The following EPHA6 variants were observed in gnomAD, a reference collection of about 807,000 sequenced individuals.
The protein encoded by EPHA6 is ephrin type-A receptor 6.
In EPHA6, 50 loss-of-function variants were observed where a neutral mutation model predicts 112.0. The observed-to-expected ratio is 0.45, with a 90% confidence interval of 0.36 to 0.56. The LOEUF is 0.56. EPHA6 is among the 20% of genes least tolerant of loss of function. The pLI is 0.00. For missense variants in EPHA6, 1,280 were observed against 1,417.4 expected (o/e 0.90, Z 1.56); for synonymous variants, 529 against 490.7 (o/e 1.08, Z -1.03).
intron 11 of EPHA6, among the ~76,000 whole-genome samples, chr3:97,560,014 G>A (rs1560138091): frequency 6.6e-6 from 1 of 151,362 alleles, no homozygotes; most frequent in Non-Finnish European, 1.5e-5. Flanking sequence ...CATAAAATAA[G>A]AACAGGTTGC....
rs543540402 is a variant in EPHA6 at position 97,758,986 on chromosome 3, T to TA, written c.*10286dup. ...TACTTCAAGATTTGGAAGGCATCAG[T>TA]ATATATATGCTATTTAAAGTTTGGA... On this transcript the variant is annotated 3_prime_UTR_variant, in exon 18 of 18. Coordinates refer to ENST00000389672, the MANE Select transcript of EPHA6 (RefSeq NM_001080448.3). 4.6e-5 allele frequency among the ~76,000 whole-genome samples: 7 copies of TA among 152,012 alleles called. No individual in the cohort carries two copies. The highest frequency in any genetic ancestry group is 8.8e-5 in the Non-Finnish European group (6 of 67,898).
intron 3 of EPHA6, among the ~76,000 whole-genome samples, chr3:97,207,961 T>A (rs1294431799): frequency 6.6e-6 from 1 of 152,102 alleles, no homozygotes; most frequent in Non-Finnish European, 1.5e-5. Flanking sequence ...AATGGCTATA[T>A]AGGGGGATTT....
intron 5 of EPHA6, among the ~76,000 whole-genome samples, chr3:97,349,012 G>A (rs1283189279): frequency 1.3e-5 from 2 of 152,004 alleles, no homozygotes; most frequent in Non-Finnish European, 2.9e-5. Flanking sequence ...TTCCTAACAA[G>A]AGTTCTTTTA....
chr3:97,345,340 G>A (rs965027385), intron 5 of EPHA6, among the ~76,000 whole-genome samples: 3 of 152,158 alleles, frequency 2.0e-5, no homozygotes, highest in Non-Finnish European at 4.4e-5. Context: ...CAAGCCAAGA[G>A]TGCAAGGAAA....
At chr3:97,097,188 A>C (rs2047265122) in intron 3 of EPHA6, among the ~76,000 whole-genome samples, 1 of 151,784 alleles carries the variant, frequency 6.6e-6, no homozygotes, top group Non-Finnish European at 1.5e-5. Context: ...TGATTTATAA[A>C]AATGACATAT....
chr3:97,513,203 T>G (rs963327980), intron 10 of EPHA6, among the ~76,000 whole-genome samples: 1 of 152,194 alleles, frequency 6.6e-6, no homozygotes, highest in African/African-American at 2.4e-5. Flanking sequence ...TTGGTAGGAA[T>G]GTAAATCAGT....
At chr3:97,544,305 T>C (rs1197057128) in intron 11 of EPHA6, among the ~76,000 whole-genome samples, 1 of 151,972 alleles carries the variant, frequency 6.6e-6, no homozygotes, top group East Asian at 1.9e-4. Context: ...GCATGAAGGG[T>C]TGTTGAATTT....
At chr3:97,301,769 C>T (rs975108588) in intron 5 of EPHA6, among the ~76,000 whole-genome samples, 1 of 152,040 alleles carries the variant, frequency 6.6e-6, no homozygotes, top group Admixed American at 6.6e-5. Flanking sequence ...TTAACTAGTT[C>T]ACTTAAAAAC....
chr3:97,544,151 G>A (rs1170973235), intron 11 of EPHA6, among the ~76,000 whole-genome samples: 1 of 152,148 alleles, frequency 6.6e-6, no homozygotes, highest in African/African-American at 2.4e-5. Context: ...GGTGAGAGAA[G>A]GCATCCCTGT....
chr3:97,477,637 A>G (rs892129951), intron 8 of EPHA6, among the ~76,000 whole-genome samples: 1 of 152,208 alleles, frequency 6.6e-6, no homozygotes, highest in Non-Finnish European at 1.5e-5. Context: ...AATTGCCACT[A>G]CTTTAGCATT....
rs944472803 is a variant in EPHA6, at chr3:97,073,297, C to A, written c.1114+85304C>A. Among the ~76,000 whole-genome samples the A allele has an allele frequency of 2.6e-5, 4 of 152,118 alleles. No homozygotes were observed. In the East Asian group the frequency reaches 5.8e-4, roughly 22 times the overall value. ...ATGCCGCTCGTTGTTTCTTTCTGAT[C>A]AATGCCACGTGAAATGAAAAGGATT... On this transcript the variant is annotated intron_variant, in intron 3 of 17. Coordinates refer to ENST00000389672, the MANE Select transcript of EPHA6 (RefSeq NM_001080448.3).
At chr3:97,686,594 C>T (rs1371802495) in intron 14 of EPHA6, among the ~76,000 whole-genome samples, 1 of 152,186 alleles carries the variant, frequency 6.6e-6, no homozygotes, top group Non-Finnish European at 1.5e-5. Context: ...TTACAGTTCT[C>T]AGCCTGTGAA....
intron 3 of EPHA6, among the ~76,000 whole-genome samples, chr3:97,035,887 A>G (rs1194621649): frequency 6.6e-6 from 1 of 151,962 alleles, no homozygotes; most frequent in Non-Finnish European, 1.5e-5. Flanking sequence ...ATATGTGGAA[A>G]TCGGATTCTC....
chr3:97,546,392 C>T (rs1156313704), intron 11 of EPHA6, among the ~76,000 whole-genome samples: 1 of 152,144 alleles, frequency 6.6e-6, no homozygotes, highest in Non-Finnish European at 1.5e-5. Flanking sequence ...GAATATTGGT[C>T]CCCACTCTCT....
intron 11 of EPHA6, among the ~76,000 whole-genome samples, chr3:97,546,841 T>G (rs1463166771): frequency 2.0e-5 from 3 of 152,364 alleles, no homozygotes; most frequent in East Asian, 3.9e-4. Context: ...ATACCCTTTC[T>G]TCCAGTTGAT....
chr3:97,401,826 T>C (rs1042140440), intron 5 of EPHA6, among the ~76,000 whole-genome samples: 1 of 151,880 alleles, frequency 6.6e-6, no homozygotes, highest in African/African-American at 2.4e-5. Context: ...ACTCTTAGTA[T>C]TGCCTTTGTA....
intron 3 of EPHA6, among the ~76,000 whole-genome samples, chr3:97,053,687 CATG>C (rs1330727000): frequency 1.3e-5 from 2 of 152,054 alleles, no homozygotes; most frequent in African/African-American, 2.4e-5. Flanking sequence ...TGCACTTTCA[CATG>C]ATATTTTATT....
At chr3:97,583,288 C>T (rs1341000365) in intron 11 of EPHA6, among the ~76,000 whole-genome samples, 1 of 151,698 alleles carries the variant, frequency 6.6e-6, no homozygotes, top group East Asian at 1.9e-4. Flanking sequence ...GCCTGTAATC[C>T]CAGCACTTTG....
At chr3:97,073,379 A>G (rs12635226) in intron 3 of EPHA6, among the ~76,000 whole-genome samples, 8,775 of 152,164 alleles carry the variant, frequency 0.058, 712 homozygotes, top group East Asian at 0.42. Flanking sequence ...ATGAATAAAT[A>G]TAACCTAAAG....
Sources: gnomAD v4.1 joint callset for allele counts (sites outside exome capture counted in the v4.1 genomes callset) on GRCh38, gnomAD v4.1.1 for gene constraint, MANE v1.5 for transcripts, NCBI Gene and HGNC (gene_info 2026-07-23, HGNC 2026-07-21) for gene names.